Variants in GPC5 observed in about 807,000 individuals in gnomAD.
GPC5 encodes glypican 5.
GPC5 carries 47 observed loss-of-function variants against 53.9 expected under a neutral mutation model. The ratio of observed to expected loss-of-function variants is 0.87; its 90% confidence interval spans 0.69 to 1.11. The LOEUF is 1.11. GPC5 is among the 50% of genes most tolerant of loss of function. GPC5 has a pLI of 0.00. For missense variants in GPC5, 748 were observed against 713.1 expected (o/e 1.05, Z -0.56); for synonymous variants, 286 against 263.3 (o/e 1.09, Z -0.84).
At chr13:91,768,063 A>G (rs2037557345) in intron 5 of GPC5, among the ~76,000 whole-genome samples, 1 of 152,214 alleles carries the variant, frequency 6.6e-6, no homozygotes, top group Admixed American at 6.5e-5. Flanking sequence ...CAAAAATGGA[A>G]AATATTGTTT....
chr13:91,880,393 T>C (rs1314818846), intron 5 of GPC5, among the ~76,000 whole-genome samples: 1 of 152,126 alleles, frequency 6.6e-6, no homozygotes, highest in Non-Finnish European at 1.5e-5. Context: ...CGTGTATGTT[T>C]ATAAATTTTT....
At chr13:91,694,146 G>A (rs571665701) in intron 3 of GPC5, among the ~76,000 whole-genome samples, 6 of 152,220 alleles carry the variant, frequency 3.9e-5, no homozygotes, top group South Asian at 2.1e-4. Context: ...TTAGCCTGCC[G>A]GTAATTAGCT....
At chr13:92,252,870 G>A (rs966483604) in intron 7 of GPC5, among the ~76,000 whole-genome samples, 1 of 152,068 alleles carries the variant, frequency 6.6e-6, no homozygotes, top group African/African-American at 2.4e-5. Flanking sequence ...TAAAGAGTTA[G>A]TGACTACCTG....
chr13:91,618,699 A>T (rs565678912), intron 2 of GPC5, among the ~76,000 whole-genome samples: 12 of 151,828 alleles, frequency 7.9e-5, no homozygotes, highest in African/African-American at 2.7e-4. Flanking sequence ...TTCATTGTTT[A>T]AGTTTGGAAG....
intron 6 of GPC5, among the ~76,000 whole-genome samples, chr13:92,130,902 A>G (rs1228012541): frequency 6.6e-6 from 1 of 151,946 alleles, no homozygotes; most frequent in Non-Finnish European, 1.5e-5. Context: ...TGAAAAATAA[A>G]TAATTATTCT....
intron 7 of GPC5, among the ~76,000 whole-genome samples, chr13:92,501,903 G>A (rs989993611): frequency 3.3e-5 from 5 of 151,974 alleles, no homozygotes; most frequent in Non-Finnish European, 5.9e-5. Context: ...TCAAATAAAG[G>A]AAAACTAACA....
intron 7 of GPC5, among the ~76,000 whole-genome samples, chr13:92,645,900 A>ATTCTTAGTATAT (rs1885752558): frequency 6.6e-6 from 1 of 151,920 alleles, no homozygotes; most frequent in Non-Finnish European, 1.5e-5. Context: ...AGTTGTAAGA[A>ATTCTTAGTATAT]TTCTTAGTAT....
intron 7 of GPC5, among the ~76,000 whole-genome samples, chr13:92,324,614 G>A (rs1335608677): frequency 6.6e-6 from 1 of 150,920 alleles, no homozygotes; most frequent in Non-Finnish European, 1.5e-5. Flanking sequence ...CAAATTCAAT[G>A]GAATAGCTGT....
intron 2 of GPC5, among the ~76,000 whole-genome samples, chr13:91,556,657 G>A (rs1421928426): frequency 6.6e-6 from 1 of 151,538 alleles, no homozygotes; most frequent in African/African-American, 2.4e-5. Flanking sequence ...GGAACAAAAT[G>A]ATGGCATTCA....
At chr13:92,289,600 A>G (rs1003799401) in intron 7 of GPC5, among the ~76,000 whole-genome samples, 14 of 152,092 alleles carry the variant, frequency 9.2e-5, no homozygotes, top group African/African-American at 3.4e-4. Context: ...GTTAATAATA[A>G]CTATGTATCA....
intron 5 of GPC5, among the ~76,000 whole-genome samples, chr13:91,782,436 CCTTCTTCACATGG>C (rs2037812454): frequency 6.6e-6 from 1 of 152,080 alleles, no homozygotes; most frequent in African/African-American, 2.4e-5. Context: ...GAAGCAAGGA[CCTTCTTCACATGG>C]CGCCAGGAAA....
chr13:91,601,024 G>A (rs994359153), intron 2 of GPC5, among the ~76,000 whole-genome samples: 11 of 152,026 alleles, frequency 7.2e-5, no homozygotes, highest in Admixed American at 5.2e-4. Context: ...AGCTGTGTCT[G>A]GAACTATGTT....
At chr13:92,106,317 A>T (rs1277357670) in intron 6 of GPC5, among the ~76,000 whole-genome samples, 1 of 152,102 alleles carries the variant, frequency 6.6e-6, no homozygotes, top group African/African-American at 2.4e-5. Context: ...CAGTATATGC[A>T]CATTTGTAAA....
At chr13:91,893,797 G>A (rs1245161804) in intron 5 of GPC5, among the ~76,000 whole-genome samples, 1 of 151,728 alleles carries the variant, frequency 6.6e-6, no homozygotes, top group Non-Finnish European at 1.5e-5. Flanking sequence ...GTGAGTTTAG[G>A]GTTATATATT....
At chr13:92,101,590 G>A (rs940109304) in intron 6 of GPC5, among the ~76,000 whole-genome samples, 2 of 152,166 alleles carry the variant, frequency 1.3e-5, no homozygotes, top group African/African-American at 4.8e-5. Flanking sequence ...CTGCAATTAG[G>A]ATGAAAGAAT....
chr13:92,518,894 C>T (rs1700864910), intron 7 of GPC5, among the ~76,000 whole-genome samples: 1 of 152,238 alleles, frequency 6.6e-6, no homozygotes, highest in African/African-American at 2.4e-5. Context: ...ATCTCACATG[C>T]AGAGACACAC....
chr13:92,366,679 A>G (rs968411232), intron 7 of GPC5, among the ~76,000 whole-genome samples: 2 of 152,238 alleles, frequency 1.3e-5, no homozygotes, highest in African/African-American at 4.8e-5. Context: ...CGGCTGTTCC[A>G]TTAAATATTT....
intron 2 of GPC5, among the ~76,000 whole-genome samples, chr13:91,658,983 C>T (rs1248081585): frequency 6.6e-6 from 1 of 152,106 alleles, no homozygotes; most frequent in African/African-American, 2.4e-5. Flanking sequence ...TCCTTTATAT[C>T]ATGTACTGCA....
intron 2 of GPC5, among the ~76,000 whole-genome samples, chr13:91,523,394 CT>C (rs1885931364): frequency 6.6e-6 from 1 of 152,188 alleles, no homozygotes; most frequent in African/African-American, 2.4e-5. Context: ...AAATATTACT[CT>C]GTCTTAAGGA....
Sources: allele counts gnomAD v4.1 joint callset (sites outside exome capture counted in the v4.1 genomes callset), GRCh38; gene constraint gnomAD v4.1.1; transcripts MANE v1.5; gene names NCBI Gene and HGNC (gene_info 2026-07-23, HGNC 2026-07-21).